Variants in EIF3A observed in about 807,000 individuals in gnomAD.
The protein encoded by EIF3A is EIF3, p180 subunit.
In EIF3A, 21 loss-of-function variants were observed where a neutral mutation model predicts 186.6. That is an observed-to-expected ratio of 0.11 (90% CI 0.08 to 0.16). The LOEUF is 0.16. Among genes scored for constraint, EIF3A ranks in the 10% least tolerant of loss-of-function variants. The pLI is 1.00. For missense variants in EIF3A, 1,306 were observed against 1,796.3 expected, an observed-to-expected ratio of 0.73 and a Z score of 4.93; for synonymous variants, 563 against 584.3, an observed-to-expected ratio of 0.96 and a Z score of 0.52.
intron 1 of EIF3A, among the ~76,000 whole-genome samples, chr10:119,079,585 G>A (rs1395386821): frequency 7.2e-6 from 1 of 139,568 alleles, no homozygotes; most frequent in Non-Finnish European, 1.5e-5. Flanking sequence ...CCGGTTAGAG[G>A]GGAAAAAAAA....
chr10:119,073,716 T>C, intron 2 of EIF3A, 31 bp downstream of exon 2: 1 of 1,570,494 alleles, frequency 6.4e-7, no homozygotes, highest in South Asian at 1.2e-5. Context: ...AAAACACTTG[T>C]TAAAAATATA....
At chr10:119,075,681 AT>A (rs1316996001) in intron 1 of EIF3A, among the ~76,000 whole-genome samples, 1 of 140,578 alleles carries the variant, frequency 7.1e-6, no homozygotes. Context: ...CTTTTTAAAA[AT>A]ATCATTGTTT....
chr10:119,048,902 G>A (rs191025603), intron 17 of EIF3A, among the ~76,000 whole-genome samples: 6 of 152,056 alleles, frequency 3.9e-5, no homozygotes, highest in Admixed American at 6.6e-5. Flanking sequence ...AACTGACTTC[G>A]CGATCCGCAC....
intron 6 of EIF3A, among the ~76,000 whole-genome samples, chr10:119,066,177 T>C (rs1843975289): frequency 6.6e-6 from 1 of 151,288 alleles, no homozygotes. Flanking sequence ...CACATTCATA[T>C]ACCCCAGACT....
intron 17 of EIF3A, among the ~76,000 whole-genome samples, 189 bp downstream of exon 17, chr10:119,049,612 C>T (rs1011321494): frequency 1.3e-5 from 2 of 151,830 alleles, no homozygotes; most frequent in African/African-American, 4.8e-5. Flanking sequence ...ATCAGCCAGG[C>T]ATGGTGGTAT....
intron 17 of EIF3A, 124 bp downstream of exon 17, chr10:119,049,677 G>C: frequency 1.3e-6 from 1 of 758,138 alleles, no homozygotes; most frequent in Admixed American, 2.4e-5. Context: ...ACTTGAACCC[G>C]GGGGCTGAGA....
In EIF3A at chr10:119,042,139, T is replaced by C. The variant is rs752491364; in HGVS notation, c.3381A>G (p.Arg1127=). Residue 1127 remains arginine, a synonymous_variant, in exon 19 of 22, where the codon AGA becomes AGG. Transcript: ENST00000369144. The surrounding 1 kb of genome is among the most constrained non-coding windows in gnomAD (Gnocchi z 7.8). ...CATCCTCTGCACCACGCCTGGGAAT[T>C]CTGTCATCATCGGCGTTCCTCCAAG... The part of the protein sequence containing the change: ...RGPWRNADDD[R]IPRRGAEDDR... 1.2e-6 allele frequency: 2 copies of C among 1,614,000 alleles called. No homozygotes were observed. Among genetic ancestry groups the C allele is most frequent in the Non-Finnish European group, 1.7e-6 (2 of 1,180,004 alleles).
At position 119,072,740 on chromosome 10, in the gene EIF3A, CCA is replaced by C; in HGVS notation, c.541+148_541+149del. On this transcript the variant is annotated intron_variant, in intron 4 of 21. Coordinates refer to ENST00000369144, the MANE Select transcript of EIF3A (RefSeq NM_003750.4). ...AAAGTGCTGGGATTACAGGTGTGAG[CCA>C]CCACATCCGGCCGCAGTCATTTAAT... The C allele has an allele frequency of 4.3e-6, 4 of 932,100 alleles. No individual in the cohort carries two copies. In the East Asian group the frequency reaches 8.4e-5, roughly 20 times the overall value. The allele number at this position is 932,100 out of a possible 1,614,324, so 57.7% of individuals were successfully genotyped here.
chr10:119,051,496 G>A (rs1392198367), intron 14 of EIF3A, among the ~76,000 whole-genome samples, 175 bp from the exon 15 acceptor site: 1 of 151,912 alleles, frequency 6.6e-6, no homozygotes, highest in Non-Finnish European at 1.5e-5. Context: ...AGGCAATTAC[G>A]GGCAAGAGGT....
At chr10:119,044,902 CAA>C (rs1167194359) in intron 17 of EIF3A, among the ~76,000 whole-genome samples, 1 of 151,318 alleles carries the variant, frequency 6.6e-6, no homozygotes, top group Non-Finnish European at 1.5e-5. Context: ...CAGTCTCAAA[CAA>C]TGCGTGAATA....
intron 1 of EIF3A, among the ~76,000 whole-genome samples, chr10:119,076,430 C>CA (rs1844174919): frequency 6.6e-6 from 1 of 151,300 alleles, no homozygotes; most frequent in Non-Finnish European, 1.5e-5. Context: ...CAAATAATGA[C>CA]AAAACCCTTC....
At chr10:119,054,681 T>C (rs984940129) in intron 14 of EIF3A, among the ~76,000 whole-genome samples, 1 of 150,726 alleles carries the variant, frequency 6.6e-6, no homozygotes, top group African/African-American at 2.4e-5. Flanking sequence ...GGGCTGAGAT[T>C]GCGCCATTGC....
In EIF3A at chr10:119,073,061, GA is replaced by G; in HGVS notation, c.378-9del. ...ACAGCACTTAGGAGAACACTACAAA[GA>G]AAAAAATGTTGAAAACAATTTTAGA... is the stretch of plus-strand genomic sequence containing the variant. On this transcript the variant is annotated splice_polypyrimidine_tract_variant and intron_variant, in intron 3 of 21. Transcript: ENST00000369144. 1.3e-6 allele frequency: 2 copies of G among 1,585,632 alleles called. No individual in the cohort carries two copies. The highest frequency in any genetic ancestry group is 1.2e-5 in the South Asian group (1 of 86,148).
intron 1 of EIF3A, among the ~76,000 whole-genome samples, chr10:119,075,425 TTA>T (rs1423349944): frequency 6.6e-6 from 1 of 151,912 alleles, no homozygotes; most frequent in Non-Finnish European, 1.5e-5. Flanking sequence ...AGGTTAAAAT[TTA>T]TCTTAAATTT....
chr10:119,060,750 T>A lies in EIF3A; in HGVS notation c.1322A>T (p.Gln441Leu), dbSNP rs1159649806. Residue 441 changes from glutamine (Q) to leucine (L), a missense_variant, in exon 9 of 22, where the codon CAG becomes CTG. Around this residue, in one of 8 missense-constraint regions of EIF3A, gnomAD observed 267 missense variants for 367.8 expected, o/e 0.73. Coordinates refer to ENST00000369144, the MANE Select transcript of EIF3A (RefSeq NM_003750.4). ...LQNNTILRLLQQVSQIYQSIE... is the reference protein window; with the variant it reads ...LQNNTILRLLLQVSQIYQSIE... ...TTTTTATTTTTTTATTTTTACCTGC[T>A]GCAGAAGGCGGAGGATGGTGTTGTT... 18 of 1,595,490 alleles carry A rather than the reference T, an allele frequency of 1.1e-5. No individual in the cohort carries two copies. Among genetic ancestry groups the A allele is most frequent in the Non-Finnish European group, 1.5e-5 (18 of 1,174,108 alleles).
At chr10:119,039,617 CTGAGA>C (rs1848181652) in intron 19 of EIF3A, among the ~76,000 whole-genome samples, 1 of 152,148 alleles carries the variant, frequency 6.6e-6, no homozygotes, top group Non-Finnish European at 1.5e-5. Context: ...TTGCGGTGAT[CTGAGA>C]TCACGCCACT....
At chr10:119,057,097 A>AT (rs1843794879) in intron 12 of EIF3A, 57 bp from the exon 13 acceptor site, 1 of 939,878 alleles carries the variant, frequency 1.1e-6, no homozygotes, top group African/African-American at 1.7e-5. Context: ...AATGCCTAAC[A>AT]TAACTCACTG....
rs748091639 is a variant in EIF3A at position 119,037,234 on chromosome 10, C to T, written c.3804G>A (p.Arg1268=). The T allele has an allele frequency of 6.2e-7, 1 of 1,614,126 alleles. No individual in the cohort carries two copies. The highest frequency in any genetic ancestry group is 1.7e-5 in the Admixed American group (1 of 60,004). The change falls in exon 21 of 22, where the codon AGG becomes AGA. Residue 1268 remains arginine, a synonymous_variant. Coordinates refer to ENST00000369144, the MANE Select transcript of EIF3A (RefSeq NM_003750.4). ...TCTCACGGCGACGGTCATCCCTATC[C>T]CTATCGTCCCGGCGACTTGAGTCTC... ...SWRDSSRRDD[R]DRDDRRRERD... is the part of the protein sequence containing the mutation.
In EIF3A at chr10:119,051,208, A is replaced by G; in HGVS notation, c.2310T>C (p.Ser770=). The change falls in exon 15 of 22, where the codon TCT becomes TCC. Residue 770 remains serine, a synonymous_variant. Coordinates refer to ENST00000369144, the MANE Select transcript of EIF3A (RefSeq NM_003750.4). ...FVMRLKAARQ[S]VYEEKLKQFE... ...AAATCAGCAAGCTCACCTCATAAAC[A>G]GACTGCCGTGCAGCTTTGAGTCGCA... 3 of 1,606,264 alleles carry G rather than the reference A, an allele frequency of 1.9e-6. No homozygotes were observed. The highest frequency in any genetic ancestry group is 4.5e-5 in the East Asian group (2 of 44,724).
Sources: gnomAD v4.1 joint callset for allele counts (sites outside exome capture counted in the v4.1 genomes callset) on GRCh38, gnomAD v4.1.1 for gene constraint, gnomAD v4.1.1 regional missense constraint, Gnocchi (gnomAD v3.1) non-coding constraint, MANE v1.5 for transcripts, NCBI Gene and HGNC (gene_info 2026-07-23, HGNC 2026-07-21) for gene names.